The following PLCB2 variants were observed in gnomAD, a reference collection of about 807,000 sequenced individuals.
The protein encoded by PLCB2 is phospholipase C beta 2.
Under a neutral mutation model 141.7 loss-of-function variants are expected in PLCB2, and 115 were observed. The observed-to-expected ratio is 0.81, with a 90% CI of 0.70 to 0.95. The LOEUF is 0.95. Ranked by LOEUF, PLCB2 falls within the 40% of genes least tolerant of loss-of-function variation. PLCB2 has a pLI of 0.00. For missense variants in PLCB2, 1,403 were observed against 1,541.1 expected (o/e 0.91, Z 1.50); for synonymous variants, 603 against 595.6 (o/e 1.01, Z -0.18).
chr15:40,296,578 C>A lies in PLCB2; in HGVS notation c.1543G>T (p.Glu515Ter), dbSNP rs962145429. Residue 515 changes from glutamate (E) to a stop codon, truncating the protein, a stop_gained, in exon 15 of 32, where the codon GAG (glutamate) becomes TAG (stop). Coordinates refer to ENST00000260402, the MANE Select transcript of PLCB2 (RefSeq NM_004573.3). LOFTEE classifies it high-confidence loss of function. ...TCATCCAGGTTTCCTGACTCCTCCT[C>A]CTCTTCCTCTTCCACCTCCTCCTCC... ...LEEEEVEEEE[E>*]EESGNLDEEE... The A allele has an allele frequency of 6.2e-7, 1 of 1,613,406 alleles. No homozygotes were observed. Among genetic ancestry groups the A allele is most frequent in the Non-Finnish European group, 8.5e-7 (1 of 1,179,572 alleles).
At position 40,297,609 on chromosome 15, in the gene PLCB2, C is replaced by T. The variant is rs762403257; in HGVS notation, c.1239-4G>A. On this transcript the variant is annotated splice_polypyrimidine_tract_variant and splice_region_variant and intron_variant, in intron 12 of 31. Transcript: ENST00000260402. This position sits in a 1 kb window ranked among gnomAD's most constrained non-coding sequence, Gnocchi z 4.2. Reference sequence around the variant, plus strand: ...CATCTTAGCCTGCTGGCGGGGTCTGCGGGGAGCAAAAGCGGGGATGGGGTT... The same window carrying T: ...CATCTTAGCCTGCTGGCGGGGTCTGTGGGGAGCAAAAGCGGGGATGGGGTT... The T allele has an allele frequency of 2.5e-6, 4 of 1,612,804 alleles. No individual in the cohort carries two copies. Among genetic ancestry groups the T allele is most frequent in the African/African-American group, 2.7e-5 (2 of 75,016 alleles).
chr15:40,292,131 A>G lies in PLCB2; in HGVS notation c.2459T>C (p.Ile820Thr), dbSNP rs1459539700. ...ADLTVALANP[I>T]KFFSAHDTKS... ...CGTGTCATGGGCACTGAAGAACTTA[A>G]TGGGGTTGGCGAGGGCCACAGTGAG... Residue 820 changes from isoleucine to threonine, a missense_variant, in exon 23 of 32, where the codon ATT (isoleucine) becomes ACT (threonine). Transcript: ENST00000260402. 6.2e-7 allele frequency: 1 copy of G among 1,614,142 alleles called. No homozygotes were observed. The highest frequency in any genetic ancestry group is 1.1e-5 in the South Asian group (1 of 91,078).
At chr15:40,299,053 C>CGGCATGGCAGGTGGGAGGAGGGGATT in intron 8 of PLCB2, 75 bp downstream of exon 8, 1 of 1,572,696 alleles carries the variant, frequency 6.4e-7, no homozygotes, top group Non-Finnish European at 8.7e-7. Context: ...TCCTGACTCC[C>CGGCATGGCAGGTGGGAGGAGGGGATT]GGCATGGCAG....
Position 40,304,085 on chromosome 15 carries a change from A to C in PLCB2, c.85-7T>G. On this transcript the variant is annotated splice_region_variant and splice_polypyrimidine_tract_variant and intron_variant, in intron 1 of 31. Coordinates refer to ENST00000260402, the MANE Select transcript of PLCB2 (RefSeq NM_004573.3). ...GAGAGGCAACTGTAGTTTCCTGCAG[A>C]GAGAAGGAGCCAGCACTCTGTTCCA... The C allele has an allele frequency of 6.3e-7, 1 of 1,586,442 alleles. No homozygotes were observed. Among genetic ancestry groups the C allele is most frequent in the African/African-American group, 1.3e-5 (1 of 74,788 alleles).
rs1345797799 is a variant in PLCB2, at chr15:40,302,500, T to C, written c.341A>G (p.Asn114Ser). ...CACGTTCTCCTTGTAGGAGACGAAG[T>C]TGTGGAAGGTGAGGTCCACCATGTC... is the stretch of plus-strand genomic sequence containing the variant. ...GPDMVDLTFHNFVSYKENVGK... is the reference protein window; with the variant it reads ...GPDMVDLTFHSFVSYKENVGK... The change falls in exon 4 of 32, where the codon AAC becomes AGC. Residue 114 changes from asparagine (N) to serine (S), a missense_variant. Asn to Ser is a conservative substitution (Grantham distance 46). Transcript: ENST00000260402. 3 of 1,614,164 alleles carry C rather than the reference T, an allele frequency of 1.9e-6. No homozygotes were observed. Among genetic ancestry groups the C allele is most frequent in the East Asian group, 2.2e-5 (1 of 44,872 alleles).
intron 7 of PLCB2, 79 bp downstream of exon 7, chr15:40,301,878 C>T: frequency 7.9e-7 from 1 of 1,272,020 alleles, no homozygotes; most frequent in Non-Finnish European, 1.1e-6. Flanking sequence ...TCTGCTCCCC[C>T]ACCCACCATT....
At chr15:40,303,504 C>T (rs2040632250) in intron 2 of PLCB2, 148 bp from the exon 3 acceptor site, 1 of 635,328 alleles carries the variant, frequency 1.6e-6, no homozygotes, top group East Asian at 2.7e-5. Context: ...CTGCCCAGGG[C>T]CAGCTGGACC....
Position 40,296,638 on chromosome 15 carries a change from C to A in PLCB2, c.1487-4G>T. Reference sequence around the variant, plus strand: ...GTCCCTTCCTCGCCAGCCCACACTGCCACATACAGCTCTGTCGGCACTGGC... The same window carrying A: ...GTCCCTTCCTCGCCAGCCCACACTGACACATACAGCTCTGTCGGCACTGGC... On this transcript the variant is annotated splice_polypyrimidine_tract_variant and splice_region_variant and intron_variant, in intron 14 of 31. Transcript: ENST00000260402. 6.2e-7 allele frequency: 1 copy of A among 1,613,130 alleles called. No homozygotes were observed.
Position 40,298,798 on chromosome 15 carries a change from C to T in PLCB2, c.850G>A (p.Gly284Ser). Residue 284 changes from glycine to serine, a missense_variant and splice_region_variant, in exon 9 of 32, where the codon GGC (glycine) becomes AGC (serine). Physicochemically the swap from Gly to Ser is moderately conservative, Grantham distance 56. This residue lies in a region of PLCB2 where 975 missense variants were observed against 1,141.1 expected (regional missense o/e 0.85). Transcript: ENST00000260402. ...GACAAGGGGTTCCCTTAGTCCTCAC[C>T]CCTCTGTGCATTGATGCCACTGGGC... ...YEPSGINAQR[G>S]QLSPEGMVWF... 2 of 1,612,474 alleles carry T rather than the reference C, an allele frequency of 1.2e-6. No individual in the cohort carries two copies. Among genetic ancestry groups the T allele is most frequent in the Non-Finnish European group, 1.7e-6 (2 of 1,178,954 alleles).
At position 40,291,149 on chromosome 15, in the gene PLCB2, G is replaced by C; in HGVS notation, c.2905C>G (p.Pro969Ala). The C allele has an allele frequency of 6.4e-6, 10 of 1,570,878 alleles. No individual in the cohort carries two copies. The highest frequency in any genetic ancestry group is 8.6e-6 in the Non-Finnish European group (10 of 1,166,110). The stretch of plus-strand genomic sequence containing the variant: ...TCCACGCCCTCAGGGCCCTCGCCCG[G>C]CGCGGCTCCGGCGCTCTCCTCGCGG... ...LPREESAGAA[P>A]GEGPEGVDGR... Residue 969 changes from proline to alanine, a missense_variant, in exon 27 of 32, where the codon CCG becomes GCG. Pro to Ala is a conservative substitution (Grantham distance 27, BLOSUM62 -1). Around this residue, in one of 4 missense-constraint regions of PLCB2, gnomAD observed 290 missense variants for 245.9 expected, o/e 1.18. Coordinates refer to ENST00000260402, the MANE Select transcript of PLCB2 (RefSeq NM_004573.3).
At chr15:40,307,170 G>C (rs991137451) in intron 1 of PLCB2, among the ~76,000 whole-genome samples, 2 of 152,194 alleles carry the variant, frequency 1.3e-5, no homozygotes, top group Admixed American at 6.5e-5. Context: ...CCCAGTGGAG[G>C]GGGTGAAGGA....
Position 40,290,625 on chromosome 15 carries a change from C to T in PLCB2, c.3161G>A (p.Arg1054Gln), listed in dbSNP as rs760283955. Residue 1054 changes from arginine to glutamine, a missense_variant, in exon 29 of 32, where the codon CGG (arginine) becomes CAG (glutamine). Arg to Gln is a conservative substitution (Grantham distance 43). Transcript: ENST00000260402. ...KKKLETKRLE[R>Q]IQGMTKVTTD... ...GGTGACTTTGGTCATGCCCTGGATC[C>T]GCTCCAGTCTCTTTGTCTCCAGCTT... The T allele has an allele frequency of 4.3e-6, 7 of 1,614,022 alleles. No homozygotes were observed. The highest frequency in any genetic ancestry group is 4.0e-5 in the African/African-American group (3 of 74,920).
intron 2 of PLCB2, 110 bp downstream of exon 2, chr15:40,303,891 C>T: frequency 1.4e-6 from 1 of 740,248 alleles, no homozygotes. Flanking sequence ...CCCTTCCAGG[C>T]CATTCTGTAC....
chr15:40,295,217 A>G lies in PLCB2; in HGVS notation c.1765T>C (p.Ser589Pro), dbSNP rs1476272317. 6.2e-7 allele frequency: 1 copy of G among 1,613,758 alleles called. No homozygotes were observed. The highest frequency in any genetic ancestry group is 8.5e-7 in the Non-Finnish European group (1 of 1,179,768). The change falls in exon 17 of 32, where the codon TCG (serine) becomes CCG (proline). Residue 589 changes from serine to proline, a missense_variant. By Grantham distance (74) the Ser-to-Pro change is moderately conservative. This residue lies in a region of PLCB2 where 975 missense variants were observed against 1,141.1 expected (regional missense o/e 0.85). Transcript: ENST00000260402. ...LKAYDLLSKA[S>P]VQFVDYNKRQ... ...CAAGGATACTCCACAAACTGCACCG[A>G]GGCCTTGGAGAGCAGGTCATATGCC...
chr15:40,304,145 G>GGA, intron 1 of PLCB2, 67 bp from the exon 2 acceptor site: 1 of 1,073,672 alleles, frequency 9.3e-7, no homozygotes, highest in Non-Finnish European at 1.4e-6. Flanking sequence ...TCCAGGCCAG[G>GGA]GGTTTCAGAG....
At chr15:40,294,180 G>T (rs1283956479) in intron 19 of PLCB2, 86 bp downstream of exon 19, 11 of 1,318,154 alleles carry the variant, frequency 8.3e-6, no homozygotes, top group Admixed American at 1.7e-5. Context: ...AGGGGAGGGG[G>T]TTGCGAGTTG....
rs1391535951 is a variant in PLCB2 at position 40,297,856 on chromosome 15, T to C, written c.1238+21A>G. 3 of 1,596,490 alleles carry C rather than the reference T, an allele frequency of 1.9e-6. No individual in the cohort carries two copies. The highest frequency in any genetic ancestry group is 2.6e-6 in the Non-Finnish European group (3 of 1,164,480). On this transcript the variant is annotated intron_variant, in intron 12 of 31. Transcript: ENST00000260402. The surrounding 1 kb of genome is among the most constrained non-coding windows in gnomAD (Gnocchi z 4.2). ...ACTGGGGGCTGGGTGAGAATGTGGC[T>C]GAATGGGCCTGGATACGCACGAGTC...
At chr15:40,289,087 G>A (rs966755814) in intron 31 of PLCB2, 169 bp from the exon 32 acceptor site, 22 of 1,118,372 alleles carry the variant, frequency 2.0e-5, no homozygotes, top group Non-Finnish European at 2.6e-5. Flanking sequence ...AGCCTCTCAG[G>A]AAAGGGGATC....
intron 1 of PLCB2, among the ~76,000 whole-genome samples, chr15:40,305,605 C>T (rs1369676748): frequency 2.0e-5 from 3 of 152,200 alleles, no homozygotes; most frequent in Non-Finnish European, 4.4e-5. Flanking sequence ...TAAGAAGGGG[C>T]TGAAGACATA....
Sources: gnomAD v4.1 joint callset for allele counts (sites outside exome capture counted in the v4.1 genomes callset) on GRCh38, gnomAD v4.1.1 for gene constraint, gnomAD v4.1.1 regional missense constraint, Gnocchi (gnomAD v3.1) non-coding constraint, MANE v1.5 for transcripts, NCBI Gene and HGNC (gene_info 2026-07-23, HGNC 2026-07-21) for gene names.